The following DNAJC5B variants were observed in gnomAD, a reference collection of about 807,000 sequenced individuals.
DNAJC5B encodes dnaJ homolog subfamily C member 5B.
DNAJC5B carries 23 observed loss-of-function variants against 24.7 expected under a neutral mutation model. The observed-to-expected ratio is 0.93, with a 90% CI of 0.67 to 1.32. The LOEUF (loss-of-function observed/expected upper bound fraction) is 1.32, where lower values mean the gene tolerates loss of function less well. Ranked by LOEUF, DNAJC5B falls within the 40% of genes most tolerant of loss-of-function variation. DNAJC5B has a pLI of 0.00. For synonymous variants in DNAJC5B, 101 were observed against 90.1 expected (o/e 1.12, Z -0.68); for missense variants, 238 against 240.8 (o/e 0.99, Z 0.08).
At chr8:66,091,700 C>T (rs1346777297) in intron 5 of DNAJC5B, among the ~76,000 whole-genome samples, 3 of 152,084 alleles carry the variant, frequency 2.0e-5, no homozygotes, top group African/African-American at 7.2e-5. Flanking sequence ...TAGCTGGAAT[C>T]CCCATCCCCA....
At chr8:66,045,922 C>A (rs773692949) in intron 2 of DNAJC5B, among the ~76,000 whole-genome samples, 7 of 152,074 alleles carry the variant, frequency 4.6e-5, no homozygotes, top group Non-Finnish European at 1.0e-4. Context: ...ATTGGTGTAC[C>A]CAGTAAAAGT....
chr8:66,072,914 ATAGG>A (rs534222703), intron 3 of DNAJC5B, among the ~76,000 whole-genome samples: 234 of 152,328 alleles, frequency 1.5e-3, no homozygotes, highest in African/African-American at 5.4e-3. Flanking sequence ...TATCTCCTCT[ATAGG>A]TGCAGAAATA....
In DNAJC5B at chr8:66,100,901, T is replaced by C. The variant is rs1297670535; in HGVS notation, c.*870T>C. 1.3e-5 allele frequency among the ~76,000 whole-genome samples: 2 copies of C among 152,172 alleles called. No individual in the cohort carries two copies. Among genetic ancestry groups the C allele is most frequent in the Admixed American group, 1.3e-4 (2 of 15,268 alleles). On this transcript the variant is annotated 3_prime_UTR_variant, in exon 6 of 6. Transcript: ENST00000276570. Reference sequence around the variant, plus strand: ...TAAAATTAGTTGCCTTGACCAGAAATTGCTCAGCTCTGTGCATGTTACACA... The same window carrying C: ...TAAAATTAGTTGCCTTGACCAGAAACTGCTCAGCTCTGTGCATGTTACACA...
At chr8:66,091,496 T>TGGATAAGATG (rs941471157) in intron 5 of DNAJC5B, among the ~76,000 whole-genome samples, 3 of 152,110 alleles carry the variant, frequency 2.0e-5, no homozygotes, top group African/African-American at 7.2e-5. Flanking sequence ...CATATTCTTG[T>TGGATAAGATG]GGATAAGATG....
intron 3 of DNAJC5B, among the ~76,000 whole-genome samples, chr8:66,054,662 T>C (rs1806924645): frequency 1.3e-5 from 2 of 152,218 alleles, no homozygotes; most frequent in South Asian, 2.1e-4. Context: ...TGGAACCAAA[T>C]AGTTACATGA....
In DNAJC5B at chr8:66,023,172, T is replaced by C. The variant is rs150049003; in HGVS notation, c.-142+1467T>C. On this transcript the variant is annotated intron_variant, in intron 1 of 5. Coordinates refer to ENST00000276570, the MANE Select transcript of DNAJC5B (RefSeq NM_033105.6). Reference sequence around the variant, plus strand: ...CTAAGGGTATCAAGCTAGTTAGTGCTGGGGACTAAAGTTTAAGCCCCCTCA... The same window carrying C: ...CTAAGGGTATCAAGCTAGTTAGTGCCGGGGACTAAAGTTTAAGCCCCCTCA... 1.5e-3 allele frequency among the ~76,000 whole-genome samples: 224 copies of C among 152,350 alleles called. 1 individual carries two copies. The highest frequency in any genetic ancestry group is 5.1e-3 in the African/African-American group (211 of 41,584).
In DNAJC5B at chr8:66,101,053, C is replaced by CT. The variant is rs1455164858; in HGVS notation, c.*1028dup. 2.0e-5 allele frequency among the ~76,000 whole-genome samples: 3 copies of CT among 152,098 alleles called. No individual in the cohort carries two copies. Among genetic ancestry groups the CT allele is most frequent in the Non-Finnish European group, 4.4e-5 (3 of 67,990 alleles). ...TGTTCGTTTTTCTAGCTCTTTCTTA[C>CT]TTTTTTATATAATATTGCATTTTCA... On this transcript the variant is annotated 3_prime_UTR_variant, in exon 6 of 6. Coordinates refer to ENST00000276570, the MANE Select transcript of DNAJC5B (RefSeq NM_033105.6).
At chr8:66,057,970 C>G (rs549337863) in intron 3 of DNAJC5B, 1 of 152,334 alleles carries the variant, frequency 6.6e-6, no homozygotes, top group African/African-American at 2.4e-5. Context: ...CTTAGACGAT[C>G]AGGAAGAAGG....
At chr8:66,021,549 T>C (rs931921937), upstream of DNAJC5B, 7 of 152,218 alleles carry the variant, frequency 4.6e-5, no homozygotes, top group Non-Finnish European at 1.0e-4. Flanking sequence ...GAAGGAGAAA[T>C]AACAGGAGGC....
At chr8:66,036,711 G>A (rs1002019860) in intron 1 of DNAJC5B, among the ~76,000 whole-genome samples, 22 of 152,228 alleles carry the variant, frequency 1.4e-4, no homozygotes, top group African/African-American at 5.3e-4. Flanking sequence ...ATGGTGGGTC[G>A]GCCTTGCTTT....
chr8:66,054,733 C>T (rs1317396266), intron 3 of DNAJC5B, among the ~76,000 whole-genome samples: 4 of 152,248 alleles, frequency 2.6e-5, no homozygotes, highest in Admixed American at 2.6e-4. Context: ...CCTTAAGGTG[C>T]TAGGGAGAGA....
At chr8:66,071,835 G>A (rs28482448) in intron 3 of DNAJC5B, among the ~76,000 whole-genome samples, 6,179 of 152,240 alleles carry the variant, frequency 0.041, 431 homozygotes, top group African/African-American at 0.14. Flanking sequence ...TAAAGAAAAT[G>A]TGATACATGT....
intron 5 of DNAJC5B, among the ~76,000 whole-genome samples, chr8:66,082,358 C>T (rs1807615469): frequency 6.6e-6 from 1 of 152,050 alleles, no homozygotes; most frequent in South Asian, 2.1e-4. Context: ...TCCAGTGTTT[C>T]ACACTTCTCT....
upstream of DNAJC5B, among the ~76,000 whole-genome samples, chr8:66,016,869 C>T (rs986239743): frequency 6.6e-6 from 1 of 152,202 alleles, no homozygotes; most frequent in African/African-American, 2.4e-5. Flanking sequence ...CCAATATTAG[C>T]AGCAGTCTTT....
upstream of DNAJC5B, among the ~76,000 whole-genome samples, chr8:66,017,311 T>C (rs147143204): frequency 7.1e-4 from 108 of 152,354 alleles, no homozygotes; most frequent in African/African-American, 2.5e-3. Context: ...CATTTTCTTT[T>C]AATAATGTCA....
At chr8:66,044,365 T>C (rs1029429934) in intron 2 of DNAJC5B, among the ~76,000 whole-genome samples, 2 of 152,204 alleles carry the variant, frequency 1.3e-5, no homozygotes, top group Non-Finnish European at 2.9e-5. Context: ...TAATCTCCTC[T>C]GCCCACATTC....
chr8:66,098,969 ATC>A (rs1156506143), intron 5 of DNAJC5B, among the ~76,000 whole-genome samples: 1 of 148,436 alleles, frequency 6.7e-6, no homozygotes, highest in Non-Finnish European at 1.5e-5. Flanking sequence ...TCCATATGTA[ATC>A]TCTGTCTCTC....
chr8:66,037,655 G>A (rs1321546401), intron 1 of DNAJC5B, among the ~76,000 whole-genome samples: 3 of 152,202 alleles, frequency 2.0e-5, no homozygotes, highest in Non-Finnish European at 4.4e-5. Flanking sequence ...GGAACCTTCC[G>A]ATGACACTCA....
intron 3 of DNAJC5B, among the ~76,000 whole-genome samples, chr8:66,063,917 A>T (rs1807135925): frequency 6.6e-6 from 1 of 152,156 alleles, no homozygotes; most frequent in African/African-American, 2.4e-5. Flanking sequence ...AAACTCTTTA[A>T]ATTTACTGGC....
Sources: allele counts gnomAD v4.1 joint callset (sites outside exome capture counted in the v4.1 genomes callset), GRCh38; gene constraint gnomAD v4.1.1; transcripts MANE v1.5; gene names NCBI Gene and HGNC (gene_info 2026-07-23, HGNC 2026-07-21).